C6: variants seen among roughly 807,000 people sequenced by gnomAD.
The protein encoded by C6 is complement component C6.
A neutral mutation model predicts 112.9 loss-of-function variants in C6; 101 were observed. The ratio of observed to expected loss-of-function variants is 0.89; its 90% confidence interval spans 0.76 to 1.06. C6 has a LOEUF of 1.06. Ranked by LOEUF, C6 falls within the 50% of genes least tolerant of loss-of-function variation. The probability of loss-of-function intolerance (pLI) is 0.00; values close to 1 mark genes in which losing one functional copy is unlikely to be tolerated. For synonymous variants in C6, 431 were observed against 384.1 expected (o/e 1.12, Z -1.43); for missense variants, 1,202 against 1,104.6 (o/e 1.09, Z -1.25).
At chr5:41,235,611 C>G (rs2150418506) in intron 1 of C6, among the ~76,000 whole-genome samples, 1 of 139,634 alleles carries the variant, frequency 7.2e-6, no homozygotes, top group South Asian at 2.4e-4. Flanking sequence ...ATGGCTGGGT[C>G]AAATGGTATT....
At chr5:41,219,759 T>C (rs998829337) in intron 1 of C6, among the ~76,000 whole-genome samples, 1 of 152,150 alleles carries the variant, frequency 6.6e-6, no homozygotes, top group African/African-American at 2.4e-5. Context: ...AAAAAGGCAG[T>C]GAGAGATAGA....
In C6 at chr5:41,161,810, T is replaced by A; in HGVS notation, c.1341A>T (p.Gly447=). The change falls in exon 10 of 18, where the codon GGA becomes GGT. Residue 447 remains glycine, a synonymous_variant. Coordinates refer to ENST00000337836, the MANE Select transcript of C6 (RefSeq NM_000065.5). ...CCAAAGCTGCTCCATATTCACTCCT[T>A]CCACCTCGAATCAGGGATATGGATT... is the stretch of plus-strand genomic sequence containing the variant. The part of the protein sequence containing the change: ...AEKSISLIRG[G]RSEYGAALAW... 1 of 1,613,668 alleles carries A rather than the reference T, an allele frequency of 6.2e-7. No homozygotes were observed. The highest frequency in any genetic ancestry group is 8.5e-7 in the Non-Finnish European group (1 of 1,179,686).
At chr5:41,179,797 A>G (rs1749174833) in intron 7 of C6, among the ~76,000 whole-genome samples, 1 of 151,514 alleles carries the variant, frequency 6.6e-6, no homozygotes, top group Admixed American at 6.6e-5. Context: ...TATTTTGCTA[A>G]AATTATGAAT....
intron 1 of C6, among the ~76,000 whole-genome samples, chr5:41,222,958 C>A (rs1216912152): frequency 6.6e-6 from 1 of 152,102 alleles, no homozygotes; most frequent in Non-Finnish European, 1.5e-5. Flanking sequence ...TTTCCCTATC[C>A]CCTCTTCCAT....
At chr5:41,148,796 AAAG>A (rs1269495635) in intron 17 of C6, among the ~76,000 whole-genome samples, 36 of 152,338 alleles carry the variant, frequency 2.4e-4, no homozygotes, top group African/African-American at 8.7e-4. Context: ...TAAGGCACTG[AAAG>A]AAGACTGAAA....
chr5:41,260,079 A>G (rs547499238), intron 1 of C6, among the ~76,000 whole-genome samples: 198 of 152,356 alleles, frequency 1.3e-3, no homozygotes, highest in Non-Finnish European at 2.4e-3. Context: ...AATGATTTCT[A>G]GGTTATTCAT....
chr5:41,239,111 C>CTTTTTT (rs34322889), intron 1 of C6, among the ~76,000 whole-genome samples: 20 of 121,636 alleles, frequency 1.6e-4, no homozygotes, highest in African/African-American at 3.4e-4. Context: ...TCTTTTCTTT[C>CTTTTTT]TTTTTTTTTT....
upstream of C6, among the ~76,000 whole-genome samples, chr5:41,217,315 T>A (rs1302141441): frequency 6.6e-6 from 1 of 152,140 alleles, no homozygotes; most frequent in Non-Finnish European, 1.5e-5. Flanking sequence ...TATTGCCCAC[T>A]CTTAGTCCAC....
chr5:41,172,132 G>A, intron 9 of C6, 93 bp downstream of exon 9: 1 of 1,302,270 alleles, frequency 7.7e-7, no homozygotes, highest in Non-Finnish European at 1.1e-6. Context: ...TAAATGAAAA[G>A]CTAAAAATAG....
intron 9 of C6, 40 bp from the exon 10 acceptor site, chr5:41,161,899 T>C (rs1747550974): frequency 1.3e-6 from 2 of 1,595,438 alleles, no homozygotes; most frequent in African/African-American, 1.3e-5. Context: ...TTAATTTTAG[T>C]GCAAATTCCT....
At chr5:41,260,915 G>C in intron 1 of C6, among the ~76,000 whole-genome samples, 1 of 152,140 alleles carries the variant, frequency 6.6e-6, no homozygotes, top group Non-Finnish European at 1.5e-5. Context: ...AGTTAGATTT[G>C]ACAAAATTAC....
At chr5:41,229,333 C>CTT (rs35058762) in intron 1 of C6, among the ~76,000 whole-genome samples, 3 of 140,716 alleles carry the variant, frequency 2.1e-5, no homozygotes, top group African/African-American at 5.1e-5. Context: ...TCATTCAGAA[C>CTT]TTTTTTTTTT....
intron 5 of C6, among the ~76,000 whole-genome samples, chr5:41,192,237 A>G (rs894470051): frequency 1.5e-4 from 23 of 152,182 alleles, no homozygotes; most frequent in Admixed American, 1.1e-3. Context: ...TCTGGATTAA[A>G]TACTACTTAA....
At position 41,142,529 on chromosome 5, in the gene C6, C is replaced by T. The variant is rs1487235335; in HGVS notation, c.*296G>A. 2.5e-5 allele frequency: 10 copies of T among 404,412 alleles called. No individual in the cohort carries two copies. The highest frequency in any genetic ancestry group is 4.1e-5 in the Non-Finnish European group (9 of 217,932). The allele number at this position is 404,412 out of a possible 1,614,324, so 25.1% of individuals were successfully genotyped here. On this transcript the variant is annotated 3_prime_UTR_variant, in exon 18 of 18. Transcript: ENST00000337836. Reference sequence around the variant, plus strand: ...CGAGAATGCTTAATGTCACAGGCTACATAAGGGCCTCAGAAGTCACATTAT... The same window carrying T: ...CGAGAATGCTTAATGTCACAGGCTATATAAGGGCCTCAGAAGTCACATTAT...
chr5:41,174,949 G>A (rs757582806), intron 8 of C6, among the ~76,000 whole-genome samples: 1 of 152,160 alleles, frequency 6.6e-6, no homozygotes, highest in African/African-American at 2.4e-5. Context: ...TTCTGTCTGG[G>A]TGTGCTTCAT....
intron 1 of C6, among the ~76,000 whole-genome samples, chr5:41,212,276 T>C (rs1328139010): frequency 6.6e-6 from 1 of 152,144 alleles, no homozygotes; most frequent in Non-Finnish European, 1.5e-5. Context: ...ATTCTCTGCC[T>C]CAGCCTCCCG....
chr5:41,153,213 T>C (rs906098968), intron 15 of C6, among the ~76,000 whole-genome samples: 3 of 152,258 alleles, frequency 2.0e-5, no homozygotes, highest in Admixed American at 6.5e-5. Context: ...GGTCTTTCTG[T>C]CAATATTATT....
chr5:41,189,558 A>T (rs1401722396), intron 5 of C6, among the ~76,000 whole-genome samples: 3 of 152,236 alleles, frequency 2.0e-5, no homozygotes, highest in Middle Eastern at 3.4e-3. Flanking sequence ...GTTTAGATAC[A>T]TACAATGTAT....
At chr5:41,146,317 T>C (rs1745821417) in intron 17 of C6, among the ~76,000 whole-genome samples, 1 of 152,228 alleles carries the variant, frequency 6.6e-6, no homozygotes, top group Non-Finnish European at 1.5e-5. Context: ...ATTTTAAAGT[T>C]TTTTAAAATT....
Sources: gnomAD v4.1 joint callset for allele counts (sites outside exome capture counted in the v4.1 genomes callset) on GRCh38, gnomAD v4.1.1 for gene constraint, MANE v1.5 for transcripts, NCBI Gene and HGNC (gene_info 2026-07-23, HGNC 2026-07-21) for gene names.